The following FAM110C variants were observed in gnomAD, a reference collection of about 807,000 sequenced individuals.
FAM110C encodes the protein protein FAM110C.
In FAM110C, 19 loss-of-function variants were observed where a neutral mutation model predicts 15.7. The observed-to-expected ratio is 1.21, with a 90% CI of 0.85 to 1.78. FAM110C has a LOEUF of 1.78. Among genes scored for constraint, FAM110C ranks in the 40% most tolerant of loss-of-function variants. The pLI, the probability that FAM110C is intolerant of heterozygous loss-of-function variation, is 0.00. For missense variants in FAM110C, 547 were observed against 495.7 expected (o/e 1.10, Z -0.98); for synonymous variants, 275 against 233.9 (o/e 1.18, Z -1.61).
In FAM110C at chr2:46,337, GA is replaced by G; in HGVS notation, c.48del (p.Arg18GlyfsTer78). 7.6e-7 allele frequency: 1 copy of G among 1,315,026 alleles called. No individual in the cohort carries two copies. Among genetic ancestry groups the G allele is most frequent in the Non-Finnish European group, 9.6e-7 (1 of 1,037,396 alleles). The allele number at this position is 1,315,026 out of a possible 1,614,324, so 81.5% of individuals were successfully genotyped here. A position where few individuals can be genotyped will look rare whatever the true frequency, so the allele number is the denominator to read the frequency against. On this transcript the variant is annotated frameshift_variant, in exon 1 of 2. Transcript: ENST00000327669. LOFTEE classifies it high-confidence loss of function. ...TCCCGGGTAGCCGCGGGGTCCCGGG[GA>G]AGGAGCCGCTCGTTCGGGGGCGCGC... ...ALSAPPNERLLPRDPAATRDP... is the reference protein window; with the variant it reads ...ALSAPPNERLXPRDPAATRDP...
chr2:46,111 C>T lies in FAM110C; in HGVS notation c.275G>A (p.Arg92Gln). ...CAGCGAGTCCGGTCTCAACGGCTTC[C>T]GCGCAATAGCCCTGCGCGCCACCGG... is the stretch of plus-strand genomic sequence containing the variant. ...PAPVARRAIA[R>Q]KPLRPDSLII... The change falls in exon 1 of 2, where the codon CGG (arginine) becomes CAG (glutamine). Residue 92 changes from arginine to glutamine, a missense_variant. Coordinates refer to ENST00000327669, the MANE Select transcript of FAM110C (RefSeq NM_001077710.3). The T allele has an allele frequency of 2.0e-6, 3 of 1,497,812 alleles. No homozygotes were observed. Among genetic ancestry groups the T allele is most frequent in the East Asian group, 2.7e-5 (1 of 37,380 alleles). The allele number at this position is 1,497,812 out of a possible 1,614,324, so 92.8% of individuals were successfully genotyped here.
intron 1 of FAM110C, chr2:44,686 G>C (rs1664228582): frequency 1.0e-6 from 1 of 985,264 alleles, no homozygotes; most frequent in Non-Finnish European, 1.2e-6. Flanking sequence ...AAAAGAGCTC[G>C]AGGTCAATCC....
At chr2:42,061 G>A (rs1412455104) in intron 1 of FAM110C, 22 of 985,282 alleles carry the variant, frequency 2.2e-5, no homozygotes, top group Non-Finnish European at 2.7e-5. Flanking sequence ...AAAGGCCCAG[G>A]CGCGGGTCAC....
Position 45,853 on chromosome 2 carries a change from G to T in FAM110C, c.533C>A (p.Ser178Tyr). The T allele has an allele frequency of 6.6e-7, 1 of 1,518,096 alleles. No homozygotes were observed. The allele number at this position is 1,518,096 out of a possible 1,614,324, so 94.0% of individuals were successfully genotyped here. ...CCCAGGGGGCGCGGCCGGGACACTG[G>T]AGGGCGCCGCGGACCGCGCGGCTGG... The part of the protein sequence containing the change: ...PAPAARSAAP[S>Y]SVPAAPPGPE... Residue 178 changes from serine to tyrosine, a missense_variant, in exon 1 of 2, where the codon TCC becomes TAC. Physicochemically the swap from Ser to Tyr is moderately radical, Grantham distance 144. Coordinates refer to ENST00000327669, the MANE Select transcript of FAM110C (RefSeq NM_001077710.3).
Position 46,129 on chromosome 2 carries a change from G to A in FAM110C, c.257C>T (p.Ala86Val), listed in dbSNP as rs760362480. 171 of 1,445,638 alleles carry A rather than the reference G, an allele frequency of 1.2e-4. 1 individual carries two copies. In the East Asian group the frequency reaches 4.1e-3, roughly 35 times the overall value. The allele number at this position is 1,445,638 out of a possible 1,614,324, so 89.6% of individuals were successfully genotyped here. ...CGGCTTCCGCGCAATAGCCCTGCGC[G>A]CCACCGGGGCCGGGGCGCGGGCCGG... ...GPPARAPAPV[A>V]RRAIARKPLR... Residue 86 changes from alanine to valine, a missense_variant, in exon 1 of 2, where the codon GCG becomes GTG. Transcript: ENST00000327669.
chr2:46,290 C>T lies in FAM110C; in HGVS notation c.96G>A (p.Ala32=). 7.4e-7 allele frequency: 1 copy of T among 1,349,602 alleles called. No homozygotes were observed. The allele number at this position is 1,349,602 out of a possible 1,614,324, so 83.6% of individuals were successfully genotyped here. Residue 32 remains alanine, a synonymous_variant, in exon 1 of 2, where the codon GCG becomes GCA. Transcript: ENST00000327669. Reference sequence around the variant, plus strand: ...CCAGCCTCTCCACTGCGCTCCTGCGCGCCGGCCGCGCGGCGTCGGGGTCCC... The same window carrying T: ...CCAGCCTCTCCACTGCGCTCCTGCGTGCCGGCCGCGCGGCGTCGGGGTCCC... ...ATRDPDAARP[A]RRSAVERLAA... is the part of the protein sequence containing the mutation.
At position 45,744 on chromosome 2, in the gene FAM110C, C is replaced by T. The variant is rs750665207; in HGVS notation, c.642G>A (p.Glu214=). Residue 214 remains glutamate, a synonymous_variant, in exon 1 of 2, where the codon GAG becomes GAA. Transcript: ENST00000327669. ...CGCAGTACTGGAAGAAGGTGTCAGA[C>T]TCGGCCAAGGCAGCGGAATAGCGGG... ...LSSRYSAALA[E]SDTFFQYCGL... 9 of 1,594,236 alleles carry T rather than the reference C, an allele frequency of 5.6e-6. No individual in the cohort carries two copies. In the South Asian group the frequency reaches 9.0e-5, roughly 16 times the overall value.
intron 1 of FAM110C, chr2:42,994 C>G: frequency 2.0e-6 from 2 of 985,466 alleles, no homozygotes; most frequent in Non-Finnish European, 2.4e-6. Context: ...TGTTCACACT[C>G]TGTCGTGGCT....
In FAM110C at chr2:39,162, G is replaced by A. The variant is rs1664062666; in HGVS notation, c.*2446C>T. The A allele has an allele frequency of 6.6e-6, 1 of 152,196 alleles. No homozygotes were observed. Among genetic ancestry groups the A allele is most frequent in the Non-Finnish European group, 1.5e-5 (1 of 68,036 alleles). The allele number at this position is 152,196 out of a possible 1,614,324, so 9.4% of individuals were successfully genotyped here. On this transcript the variant is annotated 3_prime_UTR_variant, in exon 2 of 2. Coordinates refer to ENST00000327669, the MANE Select transcript of FAM110C (RefSeq NM_001077710.3). The stretch of plus-strand genomic sequence containing the variant: ...CCATTCTTGTGGGAAGCAATCGCAA[G>A]CTTTTCATCCCGACTGAACTAAACA...
Position 45,998 on chromosome 2 carries a change from GC to G in FAM110C, c.387del (p.Pro130ArgfsTer63). On this transcript the variant is annotated frameshift_variant, in exon 1 of 2. Coordinates refer to ENST00000327669, the MANE Select transcript of FAM110C (RefSeq NM_001077710.3). LOFTEE classifies it high-confidence loss of function. ...RASLVKKLFQ[G>X]PGKDKAPVPR... ...GGCACCGGCGCCTTGTCCTTACCCG[GC>G]CCCTGGAAGAGCTTCTTCACCAGGC... The G allele has an allele frequency of 6.8e-7, 1 of 1,469,032 alleles. No individual in the cohort carries two copies. Among genetic ancestry groups the G allele is most frequent in the Non-Finnish European group, 9.0e-7 (1 of 1,115,870 alleles). The allele number at this position is 1,469,032 out of a possible 1,614,324, so 91.0% of individuals were successfully genotyped here.
intron 1 of FAM110C, 85 bp from the exon 2 acceptor site, chr2:41,712 G>A: frequency 6.7e-7 from 1 of 1,494,088 alleles, no homozygotes; most frequent in Non-Finnish European, 8.9e-7. Context: ...TACTGGTCTG[G>A]TCCCTGTAGT....
rs762347536 is a variant in FAM110C, at chr2:45,890, C to T, written c.496G>A (p.Glu166Lys). The T allele has an allele frequency of 2.8e-6, 4 of 1,428,082 alleles. No individual in the cohort carries two copies. Among genetic ancestry groups the T allele is most frequent in the East Asian group, 5.5e-5 (2 of 36,690 alleles). 88.5% of individuals were successfully genotyped at this position (1,428,082 alleles called of 1,614,324 possible). A position where few individuals can be genotyped will look rare whatever the true frequency, so the allele number is the denominator to read the frequency against. The change falls in exon 1 of 2, where the codon GAG becomes AAG. Residue 166 changes from glutamate (E) to lysine (K), a missense_variant. By Grantham distance (56) the Glu-to-Lys change is moderately conservative. Coordinates refer to ENST00000327669, the MANE Select transcript of FAM110C (RefSeq NM_001077710.3). ...GACCGCGCGGCTGGGGCTGGGGTCT[C>T]GGGGATTGCGGGGTCCGCCGCGGGG... ...PGPAADPAIP[E>K]TPAPAARSAA...
chr2:46,291 G>T lies in FAM110C; in HGVS notation c.95C>A (p.Ala32Glu), dbSNP rs1038302666. Residue 32 changes from alanine (A) to glutamate (E), a missense_variant, in exon 1 of 2, where the codon GCG becomes GAG. Ala to Glu is a moderately radical substitution (Grantham distance 107). Coordinates refer to ENST00000327669, the MANE Select transcript of FAM110C (RefSeq NM_001077710.3). Reference sequence around the variant, plus strand: ...CAGCCTCTCCACTGCGCTCCTGCGCGCCGGCCGCGCGGCGTCGGGGTCCCG... The same window carrying T: ...CAGCCTCTCCACTGCGCTCCTGCGCTCCGGCCGCGCGGCGTCGGGGTCCCG... ...ATRDPDAARPARRSAVERLAA... is the reference protein window; with the variant it reads ...ATRDPDAARPERRSAVERLAA... 3 of 1,348,508 alleles carry T rather than the reference G, an allele frequency of 2.2e-6. No individual in the cohort carries two copies. Among genetic ancestry groups the T allele is most frequent in the Non-Finnish European group, 1.9e-6 (2 of 1,054,464 alleles). The allele number at this position is 1,348,508 out of a possible 1,614,324, so 83.5% of individuals were successfully genotyped here.
intron 1 of FAM110C, chr2:43,990 A>G (rs1248475379): frequency 4.1e-6 from 4 of 985,308 alleles, no homozygotes; most frequent in Non-Finnish European, 3.6e-6. Flanking sequence ...TGCTAACATA[A>G]GACAGGCCCT....
At chr2:41,850 C>T (rs530845814) in intron 1 of FAM110C, 2 of 985,396 alleles carry the variant, frequency 2.0e-6, no homozygotes, top group South Asian at 4.7e-5. Context: ...TTCCATCTCC[C>T]TGCAGGCCTT....
In FAM110C at chr2:46,428, G is replaced by T; in HGVS notation, c.-43C>A. The T allele has an allele frequency of 8.0e-7, 1 of 1,247,632 alleles. No individual in the cohort carries two copies. Among genetic ancestry groups the T allele is most frequent in the South Asian group, 3.0e-5 (1 of 33,722 alleles). 77.3% of individuals were successfully genotyped at this position (1,247,632 alleles called of 1,614,324 possible). A position where few individuals can be genotyped will look rare whatever the true frequency, so the allele number is the denominator to read the frequency against. On this transcript the variant is annotated 5_prime_UTR_variant, in exon 1 of 2. Transcript: ENST00000327669. ...CGACCGGGGTTCCGGGTCCAGCGGA[G>T]ACGCGCTCGAGTGGTAGAGCCAGTC...
intron 1 of FAM110C, chr2:43,864 T>C (rs960795966): frequency 6.1e-6 from 6 of 985,432 alleles, no homozygotes; most frequent in Non-Finnish European, 7.2e-6. Flanking sequence ...TGGGTTTCAG[T>C]CATGCAACAC....
rs142817027 is a variant in FAM110C at position 40,074 on chromosome 2, G to T, written c.*1534C>A. The T allele has an allele frequency of 3.2e-4, 49 of 152,240 alleles. No homozygotes were observed. The highest frequency in any genetic ancestry group is 1.1e-3 in the African/African-American group (45 of 41,534). The allele number at this position is 152,240 out of a possible 1,614,324, so 9.4% of individuals were successfully genotyped here. A position where few individuals can be genotyped will look rare whatever the true frequency, so the allele number is the denominator to read the frequency against. On this transcript the variant is annotated 3_prime_UTR_variant, in exon 2 of 2. Transcript: ENST00000327669. ...ACAAGTCACCATAGTACTGAGTACT[G>T]AATTGAGTGGCAAACACTCCACTTG... is the stretch of plus-strand genomic sequence containing the variant.
chr2:46,015 T>C lies in FAM110C; in HGVS notation c.371A>G (p.Lys124Arg), dbSNP rs775686539. The C allele has an allele frequency of 4.0e-6, 6 of 1,484,178 alleles. No homozygotes were observed. The African/African-American group carries it at 5.9e-5, about 15-fold the overall frequency. 91.9% of individuals were successfully genotyped at this position (1,484,178 alleles called of 1,614,324 possible). ...CTTACCCGGCCCCTGGAAGAGCTTC[T>C]TCACCAGGCTTGCCCTGGGGCCGTC... ...GADGPRASLV[K>R]KLFQGPGKDK... The change falls in exon 1 of 2, where the codon AAG (lysine) becomes AGG (arginine). Residue 124 changes from lysine to arginine, a missense_variant. Physicochemically the swap from Lys to Arg is conservative, Grantham distance 26. Coordinates refer to ENST00000327669, the MANE Select transcript of FAM110C (RefSeq NM_001077710.3).
Sources: allele counts gnomAD v4.1 joint callset, GRCh38; gene constraint gnomAD v4.1.1; transcripts MANE v1.5; gene names NCBI Gene and HGNC (gene_info 2026-07-23, HGNC 2026-07-21).